The following NCKAP5 variants were observed in gnomAD, a reference collection of about 807,000 sequenced individuals.
NCKAP5 encodes nck-associated protein 5.
NCKAP5 carries 92 observed loss-of-function variants against 167.0 expected under a neutral mutation model. The ratio of observed to expected loss-of-function variants is 0.55; its 90% CI spans 0.47 to 0.66. The LOEUF (loss-of-function observed/expected upper bound fraction) is 0.66. NCKAP5 is among the 30% of genes least tolerant of loss of function. The pLI is 0.00. For synonymous variants in NCKAP5, 891 were observed against 877.4 expected, an observed-to-expected ratio of 1.02 and a Z score of -0.27; for missense variants, 2,378 against 2,315.0, an observed-to-expected ratio of 1.03 and a Z score of -0.56.
At chr2:132,811,637 T>C (rs1345750687) in intron 11 of NCKAP5, among the ~76,000 whole-genome samples, 5 of 151,242 alleles carry the variant, frequency 3.3e-5, no homozygotes, top group African/African-American at 4.9e-5. Context: ...TCAACAGCCC[T>C]GAGTCTGTTT....
chr2:133,018,010 C>T (rs1004976435), intron 6 of NCKAP5, among the ~76,000 whole-genome samples: 1 of 152,162 alleles, frequency 6.6e-6, no homozygotes, highest in African/African-American at 2.4e-5. Context: ...GACCATACTG[C>T]CCCAGGAAGC....
intron 3 of NCKAP5, among the ~76,000 whole-genome samples, chr2:133,495,983 G>A (rs749007470): frequency 2.0e-5 from 3 of 152,102 alleles, no homozygotes; most frequent in Non-Finnish European, 4.4e-5. Context: ...AAATCTGACA[G>A]TATTCAAGGT....
chr2:133,227,454 C>G (rs2086946667), intron 4 of NCKAP5, among the ~76,000 whole-genome samples: 2 of 152,196 alleles, frequency 1.3e-5, no homozygotes, highest in South Asian at 4.1e-4. Flanking sequence ...CTGGCTGCCC[C>G]ATTATTGGAG....
chr2:133,403,177 CA>C (rs1688208350), intron 3 of NCKAP5, among the ~76,000 whole-genome samples: 1 of 152,154 alleles, frequency 6.6e-6, no homozygotes, highest in South Asian at 2.1e-4. Context: ...AGTGAGCCTG[CA>C]AAAACTCTTT....
intron 5 of NCKAP5, among the ~76,000 whole-genome samples, chr2:133,163,095 T>C (rs575935680): frequency 2.0e-5 from 3 of 151,648 alleles, no homozygotes; most frequent in African/African-American, 7.2e-5. Context: ...AGATGAAAGA[T>C]TAAGTTTCAA....
chr2:132,909,741 C>T (rs1418216041), intron 8 of NCKAP5, among the ~76,000 whole-genome samples: 1 of 152,178 alleles, frequency 6.6e-6, no homozygotes, highest in Non-Finnish European at 1.5e-5. Flanking sequence ...AGATGGAAAA[C>T]AGGAGGTGAC....
intron 19 of NCKAP5, among the ~76,000 whole-genome samples, chr2:132,680,465 AC>A (rs1234081332): frequency 6.6e-6 from 1 of 152,044 alleles, no homozygotes; most frequent in Non-Finnish European, 1.5e-5. Context: ...CTCTCCTTGA[AC>A]CCCTAAACCC....
intron 8 of NCKAP5, among the ~76,000 whole-genome samples, chr2:132,895,006 TG>T (rs1693029090): frequency 6.6e-6 from 1 of 152,150 alleles, no homozygotes; most frequent in Admixed American, 6.5e-5. Flanking sequence ...GACTTGTTTT[TG>T]TCATCTGGAG....
chr2:133,248,464 A>T (rs1215260987), intron 4 of NCKAP5, among the ~76,000 whole-genome samples: 1 of 152,216 alleles, frequency 6.6e-6, no homozygotes, highest in Non-Finnish European at 1.5e-5. Context: ...TGCAGTGTGC[A>T]CTAAACAGGG....
At chr2:133,373,080 G>A (rs557864199) in intron 3 of NCKAP5, among the ~76,000 whole-genome samples, 87 of 152,302 alleles carry the variant, frequency 5.7e-4, no homozygotes, top group Middle Eastern at 3.4e-3. Flanking sequence ...GATGGGGGAT[G>A]ACAGAGTCTC....
At chr2:133,092,090 G>C (rs1300789435) in intron 6 of NCKAP5, among the ~76,000 whole-genome samples, 4 of 152,176 alleles carry the variant, frequency 2.6e-5, no homozygotes, top group Non-Finnish European at 4.4e-5. Context: ...ACCACAGTGG[G>C]TTGAATTGTG....
chr2:133,444,480 T>G (rs1466523477), intron 3 of NCKAP5, among the ~76,000 whole-genome samples: 1 of 152,196 alleles, frequency 6.6e-6, no homozygotes, highest in African/African-American at 2.4e-5. Context: ...GCTCTTAATC[T>G]TTGAGAGGGA....
At chr2:133,492,012 C>A (rs754076370) in intron 3 of NCKAP5, among the ~76,000 whole-genome samples, 2 of 152,106 alleles carry the variant, frequency 1.3e-5, no homozygotes, top group Non-Finnish European at 2.9e-5. Context: ...TCTCCAGGAG[C>A]TCCTGCCCCT....
At chr2:133,021,283 G>A (rs1005886661) in intron 6 of NCKAP5, among the ~76,000 whole-genome samples, 2 of 152,150 alleles carry the variant, frequency 1.3e-5, no homozygotes, top group African/African-American at 2.4e-5. Flanking sequence ...AGGAAGGAGC[G>A]AATCTGGGGA....
At chr2:132,949,453 T>C (rs1235667204) in intron 8 of NCKAP5, among the ~76,000 whole-genome samples, 2 of 152,144 alleles carry the variant, frequency 1.3e-5, no homozygotes, top group Non-Finnish European at 2.9e-5. Flanking sequence ...CTGCCAACTC[T>C]AGACCTGTTC....
chr2:132,927,665 G>A (rs1356186290), intron 8 of NCKAP5, among the ~76,000 whole-genome samples: 1 of 151,810 alleles, frequency 6.6e-6, no homozygotes, highest in Non-Finnish European at 1.5e-5. Flanking sequence ...TGTGGATTTG[G>A]TTCTCAGCTT....
intron 11 of NCKAP5, among the ~76,000 whole-genome samples, chr2:132,818,387 T>A (rs1210554951): frequency 6.6e-6 from 1 of 152,158 alleles, no homozygotes; most frequent in East Asian, 1.9e-4. Flanking sequence ...CAGGAATCCA[T>A]GAATAGGGCC....
At chr2:133,103,980 CTTT>C (rs71398584) in intron 6 of NCKAP5, among the ~76,000 whole-genome samples, 4 of 149,242 alleles carry the variant, frequency 2.7e-5, no homozygotes, top group African/African-American at 9.9e-5. Flanking sequence ...ACTGAGGTGA[CTTT>C]TTTTTTTATC....
intron 2 of NCKAP5, among the ~76,000 whole-genome samples, chr2:133,531,866 G>A (rs1463442288): frequency 6.6e-6 from 1 of 152,144 alleles, no homozygotes; most frequent in African/African-American, 2.4e-5. Context: ...TTAATCTTGT[G>A]CCATATTTGC....
Sources: allele counts gnomAD v4.1 joint callset (sites outside exome capture counted in the v4.1 genomes callset), GRCh38; gene constraint gnomAD v4.1.1; transcripts MANE v1.5; gene names NCBI Gene and HGNC (gene_info 2026-07-23, HGNC 2026-07-21).